The following GMPS variants were observed in gnomAD, a reference collection of about 807,000 sequenced individuals.
GMPS encodes the protein GMP synthase [glutamine-hydrolyzing].
Under a neutral mutation model 77.9 loss-of-function variants are expected in GMPS, and 15 were observed. The ratio of observed to expected loss-of-function variants is 0.19; its 90% CI spans 0.13 to 0.30. The LOEUF is 0.30. GMPS is among the 10% of genes least tolerant of loss of function. The probability of loss-of-function intolerance (pLI) is 1.00; values close to 1 mark genes in which losing one functional copy is unlikely to be tolerated. For missense variants in GMPS, 590 were observed against 838.8 expected, an observed-to-expected ratio of 0.70 and a Z score of 3.66; for synonymous variants, 224 against 275.9, an observed-to-expected ratio of 0.81 and a Z score of 1.86.
intron 4 of GMPS, among the ~76,000 whole-genome samples, chr3:155,905,358 T>C (rs965436516): frequency 3.3e-5 from 5 of 152,166 alleles, no homozygotes; most frequent in Admixed American, 6.5e-5. Context: ...ACGTAAACAG[T>C]ATATTTTTAT....
At chr3:155,870,642 G>A (rs1753879440), upstream of GMPS, 1 of 473,660 alleles carries the variant, frequency 2.1e-6, no homozygotes, top group Non-Finnish European at 3.8e-6. Flanking sequence ...GAAGCAGGAG[G>A]CGGGGGCAGC....
At chr3:155,887,572 G>T (rs1385977098) in intron 1 of GMPS, among the ~76,000 whole-genome samples, 2 of 152,232 alleles carry the variant, frequency 1.3e-5, no homozygotes, top group African/African-American at 4.8e-5. Flanking sequence ...GTATGACAAT[G>T]TGTGTACTGT....
chr3:155,902,160 G>A (rs1754751286), intron 3 of GMPS, among the ~76,000 whole-genome samples: 3 of 152,134 alleles, frequency 2.0e-5, no homozygotes, highest in Admixed American at 2.0e-4. Context: ...TAGGGCCCTT[G>A]GGCTGTGAAG....
chr3:155,887,122 G>A (rs1424996553), intron 1 of GMPS, among the ~76,000 whole-genome samples: 1 of 152,154 alleles, frequency 6.6e-6, no homozygotes, highest in East Asian at 1.9e-4. Context: ...AGAAAGGACA[G>A]CATACCACTC....
At chr3:155,918,200 A>AG (rs1375578080) in intron 9 of GMPS, among the ~76,000 whole-genome samples, 1 of 152,140 alleles carries the variant, frequency 6.6e-6, no homozygotes, top group Non-Finnish European at 1.5e-5. Context: ...CTATAATCCC[A>AG]GCACTTTGGG....
chr3:155,902,799 C>T (rs1288162514), intron 3 of GMPS, among the ~76,000 whole-genome samples: 1 of 152,212 alleles, frequency 6.6e-6, no homozygotes, highest in Non-Finnish European at 1.5e-5. Flanking sequence ...AATGATTAGA[C>T]TGTAGCAATG....
At chr3:155,884,069 T>C (rs1445142658) in intron 1 of GMPS, among the ~76,000 whole-genome samples, 1 of 150,714 alleles carries the variant, frequency 6.6e-6, no homozygotes, top group Admixed American at 6.6e-5. Flanking sequence ...ATTAATAATA[T>C]ATTAATATTA....
intron 1 of GMPS, among the ~76,000 whole-genome samples, chr3:155,875,605 A>G (rs962810143): frequency 6.6e-6 from 1 of 152,252 alleles, no homozygotes; most frequent in East Asian, 1.9e-4. Flanking sequence ...TGAAAGTGTC[A>G]GGGTTAATGC....
intron 1 of GMPS, among the ~76,000 whole-genome samples, chr3:155,882,082 T>A (rs972865599): frequency 6.6e-6 from 1 of 151,942 alleles, no homozygotes; most frequent in African/African-American, 2.4e-5. Flanking sequence ...AAAATAAAAA[T>A]AAATGAAGAC....
chr3:155,874,001 A>G (rs535649459), intron 1 of GMPS, among the ~76,000 whole-genome samples: 1 of 152,228 alleles, frequency 6.6e-6, no homozygotes, highest in Admixed American at 6.5e-5. Flanking sequence ...GGTATACACA[A>G]CACCCAGTAT....
At chr3:155,871,631 C>T (rs1753908781) in intron 1 of GMPS, among the ~76,000 whole-genome samples, 1 of 152,236 alleles carries the variant, frequency 6.6e-6, no homozygotes, top group South Asian at 2.1e-4. Context: ...CAGGTCCCGC[C>T]CCCGTCCAGC....
At chr3:155,906,051 T>C (rs1414791253) in intron 4 of GMPS, 109 bp from the exon 5 acceptor site, 1 of 563,880 alleles carries the variant, frequency 1.8e-6, no homozygotes, top group Non-Finnish European at 3.0e-6. Context: ...ACTTTTTTTT[T>C]TTCTGTTTTT....
At chr3:155,896,724 C>T (rs1754612317) in intron 2 of GMPS, among the ~76,000 whole-genome samples, 1 of 129,354 alleles carries the variant, frequency 7.7e-6, no homozygotes, top group Admixed American at 8.9e-5. Flanking sequence ...CCCAGCCTTA[C>T]TGAGATTTTT....
intron 7 of GMPS, among the ~76,000 whole-genome samples, chr3:155,912,940 G>T (rs1359309059): frequency 2.6e-5 from 4 of 152,324 alleles, no homozygotes; most frequent in South Asian, 2.1e-4. Flanking sequence ...CTTAGCACAG[G>T]AGCAAACTGT....
intron 10 of GMPS, among the ~76,000 whole-genome samples, chr3:155,920,173 T>C (rs902590281): frequency 1.3e-5 from 2 of 152,244 alleles, no homozygotes; most frequent in Non-Finnish European, 2.9e-5. Flanking sequence ...CCAAAAGTTA[T>C]GCAGATTGAA....
In GMPS at chr3:155,911,150, A is replaced by G; in HGVS notation, c.757A>G (p.Thr253Ala). 1 of 1,613,086 alleles carries G rather than the reference A, an allele frequency of 6.2e-7. No homozygotes were observed. The highest frequency in any genetic ancestry group is 8.5e-7 in the Non-Finnish European group (1 of 1,179,298). The part of the protein sequence containing the change: ...LSGGVDSTVC[T>A]ALLNRALNQE... ...TGGTGGAGTAGACTCAACAGTTTGT[A>G]CAGCTTTGCTAAATCGTGCTTTGAA... Residue 253 changes from threonine (T) to alanine (A), a missense_variant, in exon 7 of 16, where the codon ACA (threonine) becomes GCA (alanine). Physicochemically the swap from Thr to Ala is moderately conservative, Grantham distance 58 (BLOSUM62 0). Transcript: ENST00000496455.
intron 3 of GMPS, among the ~76,000 whole-genome samples, chr3:155,900,159 A>G (rs1754702847): frequency 6.6e-6 from 1 of 152,134 alleles, no homozygotes; most frequent in South Asian, 2.1e-4. Flanking sequence ...TGTTAAGAGT[A>G]TGTTTAGTTT....
chr3:155,908,996 G>T (rs62286850), intron 5 of GMPS, among the ~76,000 whole-genome samples: 8,287 of 152,200 alleles, frequency 0.054, 317 homozygotes, highest in East Asian at 0.18. Flanking sequence ...GCAAGATGAA[G>T]AGGAACCAGC....
At chr3:155,890,083 C>A (rs1004892633) in intron 1 of GMPS, among the ~76,000 whole-genome samples, 33 of 152,112 alleles carry the variant, frequency 2.2e-4, no homozygotes, top group African/African-American at 7.5e-4. Context: ...AGGAACTTTG[C>A]TTTTACTAGT....
Sources: gnomAD v4.1 joint callset for allele counts (sites outside exome capture counted in the v4.1 genomes callset) on GRCh38, gnomAD v4.1.1 for gene constraint, MANE v1.5 for transcripts, NCBI Gene and HGNC (gene_info 2026-07-23, HGNC 2026-07-21) for gene names.